The following MAGI2 variants were observed in gnomAD, a reference collection of about 807,000 sequenced individuals.
MAGI2 encodes membrane associated guanylate kinase, WW and PDZ domain containing 2.
MAGI2 carries 35 observed loss-of-function variants against 133.3 expected under a neutral mutation model. The ratio of observed to expected loss-of-function variants is 0.26; its 90% CI spans 0.20 to 0.35. The LOEUF (loss-of-function observed/expected upper bound fraction) is 0.35. Ranked by LOEUF, MAGI2 falls within the 10% of genes least tolerant of loss-of-function variation. MAGI2 has a pLI of 1.00. For synonymous variants in MAGI2, 729 were observed against 710.6 expected, an observed-to-expected ratio of 1.03 and a Z score of -0.41; for missense variants, 1,636 against 1,863.4, an observed-to-expected ratio of 0.88 and a Z score of 2.25.
intron 9 of MAGI2, among the ~76,000 whole-genome samples, chr7:78,322,734 A>G (rs1402632472): frequency 6.6e-6 from 1 of 152,112 alleles, no homozygotes; most frequent in Admixed American, 6.6e-5. Flanking sequence ...CGTTCTGCAC[A>G]TGTACCCCGG....
At chr7:78,757,764 A>C (rs1166439746) in intron 2 of MAGI2, among the ~76,000 whole-genome samples, 1 of 152,042 alleles carries the variant, frequency 6.6e-6, no homozygotes, top group African/African-American at 2.4e-5. Flanking sequence ...CTCCTCAACT[A>C]TTAAATACAC....
chr7:78,705,918 C>T (rs1002702094), intron 2 of MAGI2, among the ~76,000 whole-genome samples: 4 of 152,024 alleles, frequency 2.6e-5, no homozygotes, highest in Admixed American at 6.6e-5. Flanking sequence ...TTGACAAATA[C>T]ACTGCCAATC....
intron 2 of MAGI2, among the ~76,000 whole-genome samples, chr7:78,832,494 G>C (rs1349673414): frequency 6.6e-6 from 1 of 152,028 alleles, no homozygotes; most frequent in African/African-American, 2.4e-5. Context: ...AGTTTAGGGG[G>C]CCATCTTTCA....
intron 2 of MAGI2, among the ~76,000 whole-genome samples, chr7:78,786,068 T>C (rs1199758465): frequency 6.6e-6 from 1 of 151,928 alleles, no homozygotes; most frequent in Non-Finnish European, 1.5e-5. Flanking sequence ...TCAACCAGGA[T>C]TATCACCCCC....
chr7:79,114,992 A>C (rs539122499), intron 1 of MAGI2, among the ~76,000 whole-genome samples: 1 of 152,308 alleles, frequency 6.6e-6, no homozygotes, highest in African/African-American at 2.4e-5. Context: ...CTTGGTGTAT[A>C]TGACTTTCAT....
At chr7:79,101,899 T>C (rs1860694) in intron 1 of MAGI2, among the ~76,000 whole-genome samples, 5,710 of 151,794 alleles carry the variant, frequency 0.038, 169 homozygotes, top group Admixed American at 0.072. Flanking sequence ...ATAATTTATA[T>C]CATACATTTT....
At chr7:79,186,953 CTATATTT>C (rs1403570751) in intron 1 of MAGI2, among the ~76,000 whole-genome samples, 1 of 150,838 alleles carries the variant, frequency 6.6e-6, no homozygotes, top group Non-Finnish European at 1.5e-5. Context: ...AGAACTCAGA[CTATATTT>C]GCTTTAAGGA....
rs145329137 is a variant in MAGI2, at chr7:79,334,583, C to A, written c.301+118437G>T. Among the ~76,000 whole-genome samples the A allele has an allele frequency of 6.3e-3, 959 of 152,160 alleles. 7 individuals are homozygous for A. The highest frequency in any genetic ancestry group is 9.9e-3 in the Admixed American group (151 of 15,270). On this transcript the variant is annotated intron_variant, in intron 1 of 21. Coordinates refer to ENST00000354212, the MANE Select transcript of MAGI2 (RefSeq NM_012301.4). ...AGGTGATCCTCTACTTAAACCATAT[C>A]TATGTATGCCCAGGGAGTACAGTCC...
intron 3 of MAGI2, among the ~76,000 whole-genome samples, chr7:78,541,816 T>C (rs925000755): frequency 1.3e-5 from 2 of 152,214 alleles, no homozygotes; most frequent in African/African-American, 4.8e-5. Context: ...AAAAGAAGGA[T>C]TCAAGTATTT....
intron 2 of MAGI2, among the ~76,000 whole-genome samples, chr7:78,647,843 G>A (rs1811062097): frequency 6.6e-6 from 1 of 152,128 alleles, no homozygotes; most frequent in African/African-American, 2.4e-5. Flanking sequence ...CATGTCCTTT[G>A]CAGGGACATG....
At chr7:79,442,408 G>A (rs753869516) in intron 1 of MAGI2, among the ~76,000 whole-genome samples, 1 of 151,690 alleles carries the variant, frequency 6.6e-6, no homozygotes, top group Non-Finnish European at 1.5e-5. Context: ...GCCTTTCCGA[G>A]ACTATTTATT....
At chr7:78,511,931 TA>T (rs369351062) in intron 4 of MAGI2, among the ~76,000 whole-genome samples, 31 of 145,540 alleles carry the variant, frequency 2.1e-4, no homozygotes, top group Middle Eastern at 3.5e-3. Flanking sequence ...TCGTCTCTAC[TA>T]AAAAAAAAAC....
intron 1 of MAGI2, among the ~76,000 whole-genome samples, chr7:79,316,487 A>G (rs542059259): frequency 5.2e-4 from 79 of 152,328 alleles, no homozygotes; most frequent in African/African-American, 1.8e-3. Flanking sequence ...ATACATATGT[A>G]TATATTCATA....
At chr7:78,709,786 G>T (rs980673405) in intron 2 of MAGI2, among the ~76,000 whole-genome samples, 1 of 152,034 alleles carries the variant, frequency 6.6e-6, no homozygotes, top group Non-Finnish European at 1.5e-5. Flanking sequence ...TCTATGCTTG[G>T]CTCCTGGCAT....
At chr7:79,049,262 A>T (rs1298222277) in intron 1 of MAGI2, among the ~76,000 whole-genome samples, 1 of 152,214 alleles carries the variant, frequency 6.6e-6, no homozygotes, top group Non-Finnish European at 1.5e-5. Flanking sequence ...GAAATCAAAA[A>T]TTAATTAATA....
chr7:78,083,579 G>A (rs563519791), intron 20 of MAGI2, among the ~76,000 whole-genome samples: 136 of 152,242 alleles, frequency 8.9e-4, no homozygotes, highest in African/African-American at 3.1e-3. Context: ...TTTTTCCTAT[G>A]GAAGAAATAC....
intron 2 of MAGI2, among the ~76,000 whole-genome samples, chr7:78,776,088 C>T (rs1332405546): frequency 6.6e-6 from 1 of 152,206 alleles, no homozygotes; most frequent in Non-Finnish European, 1.5e-5. Flanking sequence ...CTTGTAGATT[C>T]ACCATGAGGA....
intron 6 of MAGI2, among the ~76,000 whole-genome samples, chr7:78,448,928 G>A (rs1788432637): frequency 6.6e-6 from 1 of 152,018 alleles, no homozygotes; most frequent in Admixed American, 6.6e-5. Flanking sequence ...GTCTCGTAGA[G>A]CGAAATCTTT....
At chr7:78,060,244 A>AC (rs546547396) in intron 21 of MAGI2, among the ~76,000 whole-genome samples, 4,212 of 101,972 alleles carry the variant, frequency 0.041, 92 homozygotes, top group Non-Finnish European at 0.048. Context: ...AACAAAAGGG[A>AC]CCCCCCCCCC....
Sources: gnomAD v4.1 joint callset for allele counts (sites outside exome capture counted in the v4.1 genomes callset) on GRCh38, gnomAD v4.1.1 for gene constraint, MANE v1.5 for transcripts, NCBI Gene and HGNC (gene_info 2026-07-23, HGNC 2026-07-21) for gene names.